Variants in RBFOX1 observed in about 807,000 individuals in gnomAD.
RBFOX1 encodes RNA binding fox-1 homolog 1.
Under a neutral mutation model 57.7 loss-of-function variants are expected in RBFOX1, and 8 were observed. The observed-to-expected ratio is 0.14, with a 90% CI of 0.08 to 0.25. The LOEUF (loss-of-function observed/expected upper bound fraction) is 0.25, where lower values mean the gene tolerates loss of function less well. RBFOX1 is among the 10% of genes least tolerant of loss of function. The pLI, the probability that RBFOX1 is intolerant of heterozygous loss-of-function variation, is 1.00. For synonymous variants in RBFOX1, 326 were observed against 222.4 expected (o/e 1.47, Z -4.15); for missense variants, 611 against 548.5 (o/e 1.11, Z -1.14).
In RBFOX1 at chr16:7,084,582, C is replaced by T. The variant is rs571174560; in HGVS notation, c.27+32484C>T. Reference sequence around the variant, plus strand: ...CAAGGTGCTGCCTCATAACTGACTTCAGTGACTATGTGAGAGGTATAAAGG... The same window carrying T: ...CAAGGTGCTGCCTCATAACTGACTTTAGTGACTATGTGAGAGGTATAAAGG... On this transcript the variant is annotated intron_variant, in intron 4 of 15. Coordinates refer to ENST00000550418, the MANE Select transcript of RBFOX1 (RefSeq NM_018723.4). 1.5e-4 allele frequency among the ~76,000 whole-genome samples: 23 copies of T among 152,292 alleles called. No individual in the cohort carries two copies. In the East Asian group the frequency reaches 3.9e-3, roughly 26 times the overall value.
chr16:6,346,370 T>A (rs1296001000), intron 2 of RBFOX1, among the ~76,000 whole-genome samples: 2 of 152,182 alleles, frequency 1.3e-5, no homozygotes. Flanking sequence ...CCTAATTTAG[T>A]ATGTGAACTA....
At chr16:7,057,912 G>A (rs1161215112) in intron 4 of RBFOX1, among the ~76,000 whole-genome samples, 3 of 151,240 alleles carry the variant, frequency 2.0e-5, no homozygotes, top group African/African-American at 4.9e-5. Flanking sequence ...GGAGGCTGAG[G>A]CAGGAGAATT....
chr16:6,592,412 C>G (rs927195388), intron 2 of RBFOX1, among the ~76,000 whole-genome samples: 1 of 152,116 alleles, frequency 6.6e-6, no homozygotes, highest in African/African-American at 2.4e-5. Context: ...TTTCATAATA[C>G]AGGAACAAGA....
At chr16:5,922,488 C>T (rs1489641710) in intron 4 of RBFOX1, among the ~76,000 whole-genome samples, 2 of 152,170 alleles carry the variant, frequency 1.3e-5, no homozygotes, top group East Asian at 1.9e-4. Flanking sequence ...GAAGTTCCTG[C>T]CCAGCTCAGG....
chr16:6,963,990 G>A (rs954270692), intron 3 of RBFOX1, among the ~76,000 whole-genome samples: 2 of 151,400 alleles, frequency 1.3e-5, no homozygotes, highest in South Asian at 2.1e-4. Context: ...GAGCCACTGC[G>A]CCCAGCCCCG....
At chr16:6,048,976 C>T (rs1233472476) in intron 1 of RBFOX1, among the ~76,000 whole-genome samples, 1 of 150,472 alleles carries the variant, frequency 6.6e-6, no homozygotes, top group Non-Finnish European at 1.5e-5. Context: ...CAATGTCAAG[C>T]TGTTGGAGAC....
intron 3 of RBFOX1, among the ~76,000 whole-genome samples, chr16:7,029,304 A>G (rs940308776): frequency 6.9e-6 from 1 of 145,516 alleles, no homozygotes; most frequent in Non-Finnish European, 1.5e-5. Flanking sequence ...ATATACGTAT[A>G]TGTATATATA....
At chr16:6,875,020 G>C (rs532069130) in intron 3 of RBFOX1, among the ~76,000 whole-genome samples, 5 of 152,306 alleles carry the variant, frequency 3.3e-5, no homozygotes, top group Admixed American at 6.5e-5. Flanking sequence ...GCAGAAAATG[G>C]GGAGAAGTTG....
intron 3 of RBFOX1, among the ~76,000 whole-genome samples, chr16:6,992,535 GTTCATCCCTTCCAA>G (rs1568267231): frequency 6.6e-6 from 1 of 152,004 alleles, no homozygotes; most frequent in African/African-American, 2.4e-5. Flanking sequence ...TAAGTACCTT[GTTCATCCCTTCCAA>G]GGTCAGCTTG....
intron 1 of RBFOX1, among the ~76,000 whole-genome samples, chr16:6,300,514 C>T (rs2078689267): frequency 6.6e-6 from 1 of 152,184 alleles, no homozygotes. Flanking sequence ...ATTAGCGAGA[C>T]TTGCACCTGT....
intron 4 of RBFOX1, among the ~76,000 whole-genome samples, chr16:7,261,390 C>G (rs1210861666): frequency 1.3e-5 from 2 of 152,282 alleles, no homozygotes; most frequent in African/African-American, 4.8e-5. Context: ...CAGAATGTGT[C>G]CTCCATGTGT....
chr16:6,818,994 CT>C (rs71147603), intron 3 of RBFOX1, among the ~76,000 whole-genome samples: 99,216 of 152,018 alleles, frequency 0.65, 33,155 homozygotes, highest in East Asian at 0.86. Flanking sequence ...GAGAATCAAA[CT>C]TGACACAGAG....
chr16:6,709,418 TA>T (rs1391253181), intron 3 of RBFOX1, among the ~76,000 whole-genome samples: 3 of 152,136 alleles, frequency 2.0e-5, no homozygotes, highest in African/African-American at 7.2e-5. Context: ...TTATGGGGTT[TA>T]AAAAAATACT....
intron 3 of RBFOX1, chr16:6,703,864 C>T (rs945972937): frequency 6.6e-6 from 1 of 152,244 alleles, no homozygotes; most frequent in Non-Finnish European, 1.5e-5. Flanking sequence ...CTCTGAAAAG[C>T]AACTTACTCT....
At chr16:5,450,181 C>G (rs190602248) in intron 1 of RBFOX1, among the ~76,000 whole-genome samples, 9 of 152,254 alleles carry the variant, frequency 5.9e-5, no homozygotes, top group Admixed American at 3.3e-4. Context: ...GAGCCCGATC[C>G]TTGTGAATTT....
intron 4 of RBFOX1, among the ~76,000 whole-genome samples, chr16:7,190,249 C>A (rs1183103394): frequency 6.6e-6 from 1 of 152,112 alleles, no homozygotes; most frequent in East Asian, 1.9e-4. Context: ...ATCCCAGCGA[C>A]TCGGGAGGCT....
At chr16:5,633,217 C>T (rs991092687) in intron 3 of RBFOX1, among the ~76,000 whole-genome samples, 3 of 152,002 alleles carry the variant, frequency 2.0e-5, no homozygotes, top group African/African-American at 7.2e-5. Context: ...GATTACAGGT[C>T]TGAGCCACCA....
intron 1 of RBFOX1, among the ~76,000 whole-genome samples, chr16:6,232,076 A>T (rs1567732355): frequency 6.6e-6 from 1 of 152,152 alleles, no homozygotes; most frequent in Non-Finnish European, 1.5e-5. Flanking sequence ...TTCCTCCGTG[A>T]GCTTTGTGTT....
At chr16:5,495,058 T>C (rs2042958610) in intron 2 of RBFOX1, among the ~76,000 whole-genome samples, 1 of 152,190 alleles carries the variant, frequency 6.6e-6, no homozygotes. Flanking sequence ...GGGTAATTTA[T>C]GGAGGAAAGA....
Sources: allele counts gnomAD v4.1 joint callset (sites outside exome capture counted in the v4.1 genomes callset), GRCh38; gene constraint gnomAD v4.1.1; transcripts MANE v1.5; gene names NCBI Gene and HGNC (gene_info 2026-07-23, HGNC 2026-07-21).